Variants in MYO16 observed in about 807,000 individuals in gnomAD.
MYO16 encodes the protein unconventional myosin-XVI.
MYO16 carries 94 observed loss-of-function variants against 205.3 expected under a neutral mutation model. The observed-to-expected ratio is 0.46, with a 90% CI of 0.39 to 0.54. MYO16 has a LOEUF of 0.54. Among genes scored for constraint, MYO16 ranks in the 20% least tolerant of loss-of-function variants. The pLI is 0.00. For missense variants in MYO16, 2,315 were observed against 2,387.5 expected (o/e 0.97, Z 0.63); for synonymous variants, 988 against 954.0 (o/e 1.04, Z -0.66).
intron 33 of MYO16, among the ~76,000 whole-genome samples, chr13:109,169,347 T>A (rs957227756): frequency 1.4e-5 from 2 of 145,536 alleles, no homozygotes; most frequent in Non-Finnish European, 3.1e-5. Context: ...AATAAGAACA[T>A]AAGTTATTGA....
chr13:108,526,836 C>A, the MYO16 span, among the ~76,000 whole-genome samples: 3 of 152,116 alleles, frequency 2.0e-5, no homozygotes, highest in East Asian at 1.9e-4. Flanking sequence ...GCTAATATTT[C>A]TCTCTAGTCT....
chr13:108,570,478 G>A, the MYO16 span, among the ~76,000 whole-genome samples: 4 of 152,202 alleles, frequency 2.6e-5, no homozygotes, highest in East Asian at 7.7e-4. Flanking sequence ...TAAAACTCCT[G>A]ACCTCAAGCA....
chr13:108,792,007 G>T (rs1047326155), intron 5 of MYO16, among the ~76,000 whole-genome samples: 3 of 152,128 alleles, frequency 2.0e-5, no homozygotes, highest in African/African-American at 7.2e-5. Context: ...TGTGAGGGAG[G>T]TATCACCATC....
chr13:109,186,457 T>A (rs768999617), intron 34 of MYO16, among the ~76,000 whole-genome samples: 3 of 152,098 alleles, frequency 2.0e-5, no homozygotes, highest in Non-Finnish European at 4.4e-5. Context: ...AATTCAGTGA[T>A]CTCCATGAAA....
chr13:109,149,705 C>T (rs942063758), intron 32 of MYO16, among the ~76,000 whole-genome samples: 3 of 152,152 alleles, frequency 2.0e-5, no homozygotes, highest in Non-Finnish European at 2.9e-5. Context: ...GCATGTTCTT[C>T]GTGTGCCCCC....
intron 16 of MYO16, among the ~76,000 whole-genome samples, chr13:108,925,025 G>A (rs941101904): frequency 2.6e-4 from 39 of 152,302 alleles, no homozygotes; most frequent in African/African-American, 9.1e-4. Context: ...ATGGGCCCAT[G>A]TGTTTTCCTG....
chr13:108,724,991 T>TA (rs1426713028), intron 3 of MYO16, among the ~76,000 whole-genome samples: 1 of 152,168 alleles, frequency 6.6e-6, no homozygotes, highest in Non-Finnish European at 1.5e-5. Flanking sequence ...CTGCCATTTT[T>TA]AAAAAATCAT....
At chr13:108,561,232 C>T in the MYO16 span, among the ~76,000 whole-genome samples, 1 of 152,238 alleles carries the variant, frequency 6.6e-6, no homozygotes. Flanking sequence ...GATGACTAAT[C>T]TCAGGAGACC....
chr13:108,812,088 A>G (rs548344625), intron 7 of MYO16, among the ~76,000 whole-genome samples: 8 of 152,330 alleles, frequency 5.3e-5, no homozygotes, highest in African/African-American at 1.9e-4. Flanking sequence ...ACCACCACAT[A>G]TAGCCTATTC....
intron 2 of MYO16, among the ~76,000 whole-genome samples, chr13:108,682,502 A>G (rs1482141038): frequency 6.6e-6 from 1 of 152,150 alleles, no homozygotes; most frequent in Non-Finnish European, 1.5e-5. Flanking sequence ...CACTCCACAC[A>G]TCAATCAAGA....
intron 13 of MYO16, among the ~76,000 whole-genome samples, chr13:108,886,237 A>T (rs1879875110): frequency 1.3e-5 from 2 of 151,992 alleles, no homozygotes; most frequent in African/African-American, 2.4e-5. Flanking sequence ...TCCGCCCACC[A>T]CAGCCTCTCA....
intron 4 of MYO16, among the ~76,000 whole-genome samples, chr13:108,728,212 A>G (rs563738371): frequency 6.6e-6 from 1 of 152,346 alleles, no homozygotes; most frequent in East Asian, 1.9e-4. Context: ...TTATTTATTT[A>G]AAAAATTAAC....
chr13:108,933,145 C>T (rs1288445631), intron 16 of MYO16, among the ~76,000 whole-genome samples: 2 of 152,140 alleles, frequency 1.3e-5, no homozygotes, highest in African/African-American at 2.4e-5. Context: ...CCAAGGCATT[C>T]CTTCTGTCTT....
intron 16 of MYO16, among the ~76,000 whole-genome samples, chr13:108,935,925 G>A (rs936556313): frequency 6.6e-6 from 1 of 151,758 alleles, no homozygotes; most frequent in African/African-American, 2.4e-5. Flanking sequence ...TATGTGGTGA[G>A]CCACATTTAT....
intron 28 of MYO16, chr13:109,101,671 C>T (rs759906902): frequency 3.3e-5 from 5 of 152,144 alleles, no homozygotes; most frequent in African/African-American, 9.7e-5. Context: ...TGGGAAACCA[C>T]GCAGTCCATG....
chr13:109,203,562 C>T (rs976130555), intron 34 of MYO16, among the ~76,000 whole-genome samples: 1 of 152,022 alleles, frequency 6.6e-6, no homozygotes, highest in African/African-American at 2.4e-5. Context: ...ACCCCTGGTT[C>T]TCTCCTAATC....
chr13:109,037,144 G>A (rs1282485441), intron 23 of MYO16, among the ~76,000 whole-genome samples: 1 of 152,188 alleles, frequency 6.6e-6, no homozygotes, highest in Non-Finnish European at 1.5e-5. Context: ...TCCTAGAAAT[G>A]CTTCCATCTC....
chr13:108,592,609 G>T (rs1325133312), upstream of MYO16, among the ~76,000 whole-genome samples: 1 of 149,836 alleles, frequency 6.7e-6, no homozygotes, highest in African/African-American at 2.5e-5. Flanking sequence ...TGGTATGTAG[G>T]GGTGTGGAGG....
At chr13:108,666,543 G>A (rs1431274701) in intron 2 of MYO16, among the ~76,000 whole-genome samples, 8 of 151,760 alleles carry the variant, frequency 5.3e-5, no homozygotes, top group South Asian at 4.2e-4. Context: ...GGCTGGTCTC[G>A]AACTCCAGAG....
Sources: allele counts gnomAD v4.1 joint callset (sites outside exome capture counted in the v4.1 genomes callset), GRCh38; gene constraint gnomAD v4.1.1; transcripts MANE v1.5; gene names NCBI Gene and HGNC (gene_info 2026-07-23, HGNC 2026-07-21).